METTL15: variants seen among roughly 807,000 people sequenced by gnomAD.
METTL15 encodes 12S rRNA N(4)-cytidine methyltransferase METTL15.
Under a neutral mutation model 38.3 loss-of-function variants are expected in METTL15, and 34 were observed. The ratio of observed to expected loss-of-function variants is 0.89; its 90% CI spans 0.68 to 1.18. The LOEUF (loss-of-function observed/expected upper bound fraction) is 1.18, where lower values mean the gene tolerates loss of function less well. Among genes scored for constraint, METTL15 ranks in the 50% most tolerant of loss-of-function variants. The pLI is 0.00. For missense variants in METTL15, 438 were observed against 498.4 expected, an observed-to-expected ratio of 0.88 and a Z score of 1.15; for synonymous variants, 162 against 170.9, an observed-to-expected ratio of 0.95 and a Z score of 0.41.
chr11:28,323,007 G>A (rs1225841272), intron 6 of METTL15, among the ~76,000 whole-genome samples: 1 of 152,046 alleles, frequency 6.6e-6, no homozygotes. Context: ...TTATTTTACA[G>A]ATGATTCGTT....
intron 4 of METTL15, among the ~76,000 whole-genome samples, chr11:28,233,405 T>C (rs1055420141): frequency 6.6e-6 from 1 of 152,090 alleles, no homozygotes; most frequent in African/African-American, 2.4e-5. Flanking sequence ...ATGTAAACCA[T>C]TAGCTTTTTT....
chr11:28,478,918 A>G (rs1397627981), intron 6 of METTL15, among the ~76,000 whole-genome samples: 1 of 151,960 alleles, frequency 6.6e-6, no homozygotes, highest in Non-Finnish European at 1.5e-5. Flanking sequence ...ACAACATGGC[A>G]CCTGCCAAGG....
chr11:28,235,817 G>T (rs983947679), intron 4 of METTL15, among the ~76,000 whole-genome samples: 6 of 152,080 alleles, frequency 3.9e-5, no homozygotes, highest in African/African-American at 1.4e-4. Flanking sequence ...CTGCCTCATT[G>T]CCCTGGCCAG....
intron 6 of METTL15, among the ~76,000 whole-genome samples, chr11:28,513,355 G>A (rs1278635547): frequency 6.6e-6 from 1 of 152,172 alleles, no homozygotes; most frequent in African/African-American, 2.4e-5. Context: ...CTTACCGGCT[G>A]CAACGTCTTA....
intron 3 of METTL15, among the ~76,000 whole-genome samples, chr11:28,120,546 A>T (rs1852183752): frequency 6.6e-6 from 1 of 152,096 alleles, no homozygotes; most frequent in South Asian, 2.1e-4. Context: ...AAACAAAAAA[A>T]AATCCTGATT....
chr11:28,374,100 G>A (rs952152433), intron 5 of METTL15, among the ~76,000 whole-genome samples: 14 of 152,150 alleles, frequency 9.2e-5, no homozygotes, highest in Admixed American at 9.2e-4. Flanking sequence ...CAGGTAGTGT[G>A]ATGTCTCCAG....
rs1327738771 is a variant in METTL15 at position 28,393,729 on chromosome 11, CA to C, written c.*359-30569del. 2.0e-5 allele frequency among the ~76,000 whole-genome samples: 3 copies of C among 152,042 alleles called. No individual in the cohort carries two copies. In the East Asian group the frequency reaches 5.8e-4, roughly 29 times the overall value. Reference sequence around the variant, plus strand: ...TGATCTACCCTTGGAAATTACACACCATTACTTCTTCAGTACTCTTTTGGTC... The same window carrying C: ...TGATCTACCCTTGGAAATTACACACCTTACTTCTTCAGTACTCTTTTGGTC... On this transcript the variant is annotated intron_variant and NMD_transcript_variant, in intron 5 of 7. Coordinates refer to the METTL15 transcript ENST00000532947.
intron 3 of METTL15, among the ~76,000 whole-genome samples, chr11:28,165,676 C>CT (rs1171263294): frequency 2.0e-5 from 3 of 151,130 alleles, no homozygotes; most frequent in African/African-American, 7.3e-5. Flanking sequence ...TTCCATTTGT[C>CT]TATTTTTGCT....
chr11:28,280,261 G>A (rs543054688), intron 4 of METTL15, among the ~76,000 whole-genome samples: 2 of 152,154 alleles, frequency 1.3e-5, no homozygotes, highest in South Asian at 4.1e-4. Flanking sequence ...TCCTGCAGGT[G>A]AACTAACTCA....
chr11:28,312,000 G>A (rs1182951612), intron 6 of METTL15, among the ~76,000 whole-genome samples: 3 of 152,202 alleles, frequency 2.0e-5, no homozygotes, highest in African/African-American at 7.2e-5. Flanking sequence ...ATGTAAGAAA[G>A]CTGAGACAGA....
At chr11:28,113,128 G>A (rs1486532742) in intron 2 of METTL15, among the ~76,000 whole-genome samples, 190 bp from the exon 3 acceptor site, 1 of 151,902 alleles carries the variant, frequency 6.6e-6, no homozygotes, top group Non-Finnish European at 1.5e-5. Flanking sequence ...TTACGTCTCT[G>A]GGTCCTCTTA....
intron 3 of METTL15, among the ~76,000 whole-genome samples, chr11:28,172,091 T>C (rs1850880596): frequency 1.3e-5 from 2 of 152,170 alleles, no homozygotes; most frequent in Admixed American, 1.3e-4. Flanking sequence ...GTTAGCCACT[T>C]TACCTGGCCA....
intron 3 of METTL15, among the ~76,000 whole-genome samples, chr11:28,155,968 G>A (rs768531887): frequency 2.0e-5 from 3 of 152,090 alleles, no homozygotes; most frequent in African/African-American, 7.2e-5. Context: ...TTAATAGCGC[G>A]ATCTTCATTT....
At chr11:28,125,498 TTTTTA>T (rs1205741674) in intron 3 of METTL15, 1 of 152,090 alleles carries the variant, frequency 6.6e-6, no homozygotes, top group African/African-American at 2.4e-5. Context: ...TGTTTCATTT[TTTTTA>T]TTTCAGTGTA....
intron 4 of METTL15, among the ~76,000 whole-genome samples, chr11:28,279,298 G>A (rs779713557): frequency 6.6e-5 from 10 of 151,682 alleles, no homozygotes; most frequent in Middle Eastern, 3.4e-3. Flanking sequence ...ACTAACATTC[G>A]AATTGTGTCA....
At chr11:28,526,011 G>A (rs896417338) in intron 6 of METTL15, among the ~76,000 whole-genome samples, 1 of 152,236 alleles carries the variant, frequency 6.6e-6, no homozygotes, top group African/African-American at 2.4e-5. Flanking sequence ...ACTGCTGGGG[G>A]ACCTGGCGCA....
At chr11:28,450,649 G>C (rs1042720038) in intron 6 of METTL15, among the ~76,000 whole-genome samples, 2 of 152,282 alleles carry the variant, frequency 1.3e-5, no homozygotes, top group African/African-American at 4.8e-5. Context: ...TATTAATCTG[G>C]ATTTAGTTTT....
intron 6 of METTL15, among the ~76,000 whole-genome samples, chr11:28,319,234 A>G (rs1199179116): frequency 6.6e-6 from 1 of 152,198 alleles, no homozygotes; most frequent in Admixed American, 6.6e-5. Context: ...AGATCGTTGT[A>G]TAAAATAGCA....
At chr11:28,386,699 A>G (rs927763072) in intron 5 of METTL15, among the ~76,000 whole-genome samples, 1 of 151,964 alleles carries the variant, frequency 6.6e-6, no homozygotes, top group Non-Finnish European at 1.5e-5. Flanking sequence ...GGACAACATT[A>G]TAGACCAATT....
Sources: allele counts gnomAD v4.1 joint callset (sites outside exome capture counted in the v4.1 genomes callset), GRCh38; gene constraint gnomAD v4.1.1; transcripts MANE v1.5; gene names NCBI Gene and HGNC (gene_info 2026-07-23, HGNC 2026-07-21).